The following ZNF721 variants were observed in gnomAD, a reference collection of about 807,000 sequenced individuals.
ZNF721 encodes the protein zinc finger protein 721.
In ZNF721, 2 loss-of-function variants were observed where a neutral mutation model predicts 2.4. The ratio of observed to expected loss-of-function variants is 0.82; its 90% CI spans 0.34 to 2.58. The LOEUF is 2.58. Ranked by LOEUF, ZNF721 falls within the 30% of genes most tolerant of loss-of-function variation. The pLI, the probability that ZNF721 is intolerant of heterozygous loss-of-function variation, is 0.11. For synonymous variants in ZNF721, 398 were observed against 381.8 expected (o/e 1.04, Z -0.50); for missense variants, 1,187 against 1,085.5 (o/e 1.09, Z -1.31).
intron 1 of ZNF721, among the ~76,000 whole-genome samples, chr4:496,180 C>T (rs1198600572): frequency 6.6e-6 from 1 of 152,086 alleles, no homozygotes; most frequent in African/African-American, 2.4e-5. Flanking sequence ...GGTATTTAGC[C>T]GCTTCAGAGG....
chr4:445,500 T>G (rs1467084017), intron 2 of ZNF721, among the ~76,000 whole-genome samples: 1 of 152,150 alleles, frequency 6.6e-6, no homozygotes, highest in South Asian at 2.1e-4. Flanking sequence ...AATATTACAA[T>G]GTATACAAAA....
intron 2 of ZNF721, among the ~76,000 whole-genome samples, chr4:468,216 G>A (rs567484826): frequency 4.0e-5 from 6 of 151,372 alleles, no homozygotes; most frequent in African/African-American, 1.2e-4. Context: ...GCAGTGAGCT[G>A]AGATAGCACC....
At chr4:481,250 C>T (rs533295933) in intron 1 of ZNF721, among the ~76,000 whole-genome samples, 3 of 152,308 alleles carry the variant, frequency 2.0e-5, no homozygotes, top group South Asian at 2.1e-4. Context: ...TTTGAGAAAT[C>T]TCCATCCCAA....
chr4:450,962 TATATA>T (rs1714641184), intron 2 of ZNF721, among the ~76,000 whole-genome samples: 2 of 18,590 alleles, frequency 1.1e-4, no homozygotes, highest in Non-Finnish European at 8.7e-5. Context: ...AAAAAATATA[TATATA>T]TATATATATA....
intron 2 of ZNF721, among the ~76,000 whole-genome samples, chr4:453,167 G>A (rs782005106): frequency 3.3e-4 from 50 of 152,324 alleles, no homozygotes; most frequent in Admixed American, 1.2e-3. Context: ...GAAAACATAA[G>A]CATTTCTGAT....
intron 1 of ZNF721, among the ~76,000 whole-genome samples, chr4:488,896 G>A (rs1715959913): frequency 6.6e-6 from 1 of 152,090 alleles, no homozygotes; most frequent in African/African-American, 2.4e-5. Context: ...GGCAGTCAGA[G>A]GCTGGTTAGG....
intron 1 of ZNF721, among the ~76,000 whole-genome samples, chr4:498,086 T>C (rs1240668172): frequency 2.6e-5 from 4 of 151,250 alleles, no homozygotes; most frequent in Admixed American, 1.3e-4. Context: ...GCACCTGTAA[T>C]CCCAGCTACT....
intron 1 of ZNF721, among the ~76,000 whole-genome samples, chr4:489,461 C>G (rs1715971873): frequency 6.6e-6 from 1 of 152,224 alleles, no homozygotes; most frequent in African/African-American, 2.4e-5. Context: ...GAGCCCAGAC[C>G]TGGCTGAACT....
intron 2 of ZNF721, among the ~76,000 whole-genome samples, chr4:447,375 T>A (rs557852884): frequency 6.6e-6 from 1 of 152,052 alleles, no homozygotes; most frequent in African/African-American, 2.4e-5. Context: ...TAAGAAATTT[T>A]ATGTACTTTC....
At chr4:445,110 C>G (rs532507200) in intron 2 of ZNF721, among the ~76,000 whole-genome samples, 3 of 151,188 alleles carry the variant, frequency 2.0e-5, no homozygotes, top group Admixed American at 6.6e-5. Context: ...TCAGCCTCCC[C>G]AATAGCTGGG....
chr4:483,023 T>C (rs1484737782), intron 1 of ZNF721, among the ~76,000 whole-genome samples: 1 of 151,298 alleles, frequency 6.6e-6, no homozygotes, highest in Non-Finnish European at 1.5e-5. Flanking sequence ...TACTGATTTG[T>C]CAGACAGGTA....
intron 1 of ZNF721, among the ~76,000 whole-genome samples, chr4:481,000 C>T (rs947062024): frequency 2.0e-5 from 3 of 152,114 alleles, no homozygotes; most frequent in Non-Finnish European, 4.4e-5. Flanking sequence ...ATGGTCACTG[C>T]AGCCTTGACA....
Position 441,689 on chromosome 4 carries a change from C to T in ZNF721, c.*6G>A, listed in dbSNP as rs1553863104. ...GTAGTATGACTTAAAGGCTTTGCCA[C>T]ATTCTTTACACTTGTATGGTTTTAT... On this transcript the variant is annotated 3_prime_UTR_variant, in exon 3 of 3. Coordinates refer to ENST00000511833, the MANE Select transcript of ZNF721 (RefSeq NM_133474.4). The T allele has an allele frequency of 6.3e-7, 1 of 1,595,036 alleles. No homozygotes were observed. Among genetic ancestry groups the T allele is most frequent in the Non-Finnish European group, 8.5e-7 (1 of 1,169,618 alleles).
At chr4:493,825 A>C (rs1275606015) in intron 1 of ZNF721, among the ~76,000 whole-genome samples, 1 of 152,216 alleles carries the variant, frequency 6.6e-6, no homozygotes, top group East Asian at 1.9e-4. Context: ...CTGGGTTTAT[A>C]GTTTTGTAAC....
intron 1 of ZNF721, among the ~76,000 whole-genome samples, chr4:494,101 T>C (rs1188858162): frequency 1.3e-5 from 2 of 152,204 alleles, no homozygotes; most frequent in Non-Finnish European, 2.9e-5. Flanking sequence ...ATTAGAGTTC[T>C]TTTATATATT....
intron 2 of ZNF721, among the ~76,000 whole-genome samples, chr4:447,024 T>C (rs1054805919): frequency 2.6e-5 from 4 of 152,186 alleles, no homozygotes; most frequent in Admixed American, 1.3e-4. Flanking sequence ...TTTTACCAGT[T>C]TAAAATATAT....
At chr4:457,329 G>C (rs1224403033) in intron 2 of ZNF721, among the ~76,000 whole-genome samples, 1 of 152,170 alleles carries the variant, frequency 6.6e-6, no homozygotes, top group Non-Finnish European at 1.5e-5. Context: ...AACTTTATGG[G>C]AGCTTTGGAA....
At chr4:487,520 C>A (rs1411587562) in intron 1 of ZNF721, among the ~76,000 whole-genome samples, 4 of 152,130 alleles carry the variant, frequency 2.6e-5, no homozygotes, top group African/African-American at 9.7e-5. Context: ...CAATCCTGAG[C>A]TAGTATGTTT....
At chr4:474,303 G>A in intron 1 of ZNF721, 1 of 307,394 alleles carries the variant, frequency 3.3e-6, no homozygotes, top group South Asian at 2.6e-5. Flanking sequence ...CACTGAATGA[G>A]GCAAGAGTGA....
Sources: gnomAD v4.1 joint callset for allele counts (sites outside exome capture counted in the v4.1 genomes callset) on GRCh38, gnomAD v4.1.1 for gene constraint, MANE v1.5 for transcripts, NCBI Gene and HGNC (gene_info 2026-07-23, HGNC 2026-07-21) for gene names.